Variants in SESTD1 observed in about 807,000 individuals in gnomAD.
SESTD1 encodes the protein SEC14 domain and spectrin repeat-containing protein 1.
A neutral mutation model predicts 101.7 loss-of-function variants in SESTD1; 43 were observed. The observed-to-expected ratio is 0.42, with a 90% CI of 0.33 to 0.55. The LOEUF (loss-of-function observed/expected upper bound fraction) is 0.55, where lower values mean the gene tolerates loss of function less well. SESTD1 is among the 20% of genes least tolerant of loss of function. The probability of loss-of-function intolerance (pLI) is 0.07; values close to 1 mark genes in which losing one functional copy is unlikely to be tolerated. For synonymous variants in SESTD1, 283 were observed against 286.8 expected (o/e 0.99, Z 0.13); for missense variants, 647 against 815.1 (o/e 0.79, Z 2.51).
At chr2:179,174,525 C>A in intron 4 of SESTD1, 1 of 432,380 alleles carries the variant, frequency 2.3e-6, no homozygotes, top group Non-Finnish European at 4.7e-6. Context: ...GATTTCTTAC[C>A]TAATAGTTAT....
At chr2:179,233,820 A>G (rs2047021476) in intron 1 of SESTD1, among the ~76,000 whole-genome samples, 1 of 152,124 alleles carries the variant, frequency 6.6e-6, no homozygotes, top group African/African-American at 2.4e-5. Context: ...GTGTGTGCAC[A>G]TGGCCTGGCA....
intron 1 of SESTD1, among the ~76,000 whole-genome samples, chr2:179,251,845 A>C (rs1240006831): frequency 6.6e-6 from 1 of 152,164 alleles, no homozygotes; most frequent in Non-Finnish European, 1.5e-5. Flanking sequence ...CCAGATACAA[A>C]ATCTGCCGTG....
At chr2:179,248,700 T>C (rs2047268750) in intron 1 of SESTD1, among the ~76,000 whole-genome samples, 1 of 151,874 alleles carries the variant, frequency 6.6e-6, no homozygotes, top group Admixed American at 6.6e-5. Context: ...TAAAGGAGAC[T>C]TCATCAACTT....
chr2:179,222,164 C>T (rs945218783), intron 1 of SESTD1, among the ~76,000 whole-genome samples: 91 of 152,234 alleles, frequency 6.0e-4, no homozygotes, highest in Non-Finnish European at 1.1e-3. Context: ...AAAAGACTTC[C>T]CCCACCAAAG....
chr2:179,185,360 GTAT>G (rs1010697455), intron 2 of SESTD1, among the ~76,000 whole-genome samples: 58 of 145,194 alleles, frequency 4.0e-4, no homozygotes, highest in Non-Finnish European at 7.2e-4. Flanking sequence ...TATTAATATA[GTAT>G]TATAAATTCA....
chr2:179,115,031 C>T (rs763742020), intron 16 of SESTD1, 34 bp downstream of exon 16: 2 of 1,570,704 alleles, frequency 1.3e-6, no homozygotes, highest in Non-Finnish European at 1.7e-6. Flanking sequence ...TAATCAATAC[C>T]ACTGAGAATA....
chr2:179,201,154 C>CA (rs2046505947), intron 1 of SESTD1, among the ~76,000 whole-genome samples: 1 of 134,318 alleles, frequency 7.4e-6, no homozygotes, highest in African/African-American at 3.0e-5. Context: ...TTAATGCAGC[C>CA]AAAAAACACA....
At chr2:179,243,627 G>A (rs1407059038) in intron 1 of SESTD1, among the ~76,000 whole-genome samples, 1 of 152,084 alleles carries the variant, frequency 6.6e-6, no homozygotes, top group Non-Finnish European at 1.5e-5. Flanking sequence ...TGCAGCTAGA[G>A]GACATCATCG....
At chr2:179,229,804 CA>C (rs2046955340) in intron 1 of SESTD1, among the ~76,000 whole-genome samples, 1 of 142,266 alleles carries the variant, frequency 7.0e-6, no homozygotes, top group African/African-American at 2.6e-5. Context: ...CACACACACA[CA>C]CACACACACA....
chr2:179,171,390 G>A (rs62177283), intron 5 of SESTD1, among the ~76,000 whole-genome samples: 8,415 of 152,182 alleles, frequency 0.055, 319 homozygotes, highest in South Asian at 0.14. Context: ...AAATAAAAAT[G>A]AGTGTATAGC....
chr2:179,230,416 A>C (rs1218219459), intron 1 of SESTD1, among the ~76,000 whole-genome samples: 1 of 152,056 alleles, frequency 6.6e-6, no homozygotes, highest in Non-Finnish European at 1.5e-5. Flanking sequence ...CATTACAGAC[A>C]TGAGCCACTG....
intron 12 of SESTD1, among the ~76,000 whole-genome samples, chr2:179,122,664 C>A (rs1559099862): frequency 6.6e-6 from 1 of 152,070 alleles, no homozygotes; most frequent in Non-Finnish European, 1.5e-5. Context: ...CTGAGGTGGG[C>A]AGATCACCAG....
intron 1 of SESTD1, among the ~76,000 whole-genome samples, chr2:179,242,053 T>C (rs1324294132): frequency 6.6e-6 from 1 of 152,152 alleles, no homozygotes; most frequent in African/African-American, 2.4e-5. Flanking sequence ...AATATGATTG[T>C]ATACCTAGAA....
At chr2:179,158,771 G>A (rs554848215) in intron 5 of SESTD1, among the ~76,000 whole-genome samples, 1 of 152,022 alleles carries the variant, frequency 6.6e-6, no homozygotes, top group East Asian at 1.9e-4. Flanking sequence ...TTCACTGGTG[G>A]CTATTAAAAG....
chr2:179,151,497 CATG>C (rs2045529419), intron 5 of SESTD1, 106 bp from the exon 6 acceptor site: 2 of 584,092 alleles, frequency 3.4e-6, no homozygotes, highest in Non-Finnish European at 2.9e-6. Flanking sequence ...TTGTTTCCAA[CATG>C]ATGACACATT....
chr2:179,134,831 A>G (rs1031037728), intron 9 of SESTD1, among the ~76,000 whole-genome samples: 3 of 152,230 alleles, frequency 2.0e-5, no homozygotes, highest in Non-Finnish European at 2.9e-5. Context: ...CTGTTAATAT[A>G]CTTTATAAAA....
At chr2:179,246,447 C>T (rs942509644) in intron 1 of SESTD1, among the ~76,000 whole-genome samples, 1 of 151,994 alleles carries the variant, frequency 6.6e-6, no homozygotes, top group Non-Finnish European at 1.5e-5. Context: ...AAGACAAATG[C>T]ACAGTTATAA....
chr2:179,220,314 T>A (rs1276977074), intron 1 of SESTD1, among the ~76,000 whole-genome samples: 14 of 152,178 alleles, frequency 9.2e-5, no homozygotes. Flanking sequence ...GAAAAAATTT[T>A]AAAAATCTTT....
rs146696137 is a variant in SESTD1, at chr2:179,159,326, C to G, written c.370-7935G>C. Among the ~76,000 whole-genome samples the G allele has an allele frequency of 4.3e-3, 662 of 152,226 alleles. 3 individuals carry two copies. Among genetic ancestry groups the G allele is most frequent in the African/African-American group, 0.015 (615 of 41,530 alleles). On this transcript the variant is annotated intron_variant, in intron 5 of 17. Coordinates refer to ENST00000428443, the MANE Select transcript of SESTD1 (RefSeq NM_178123.5). ...CATATAAATAACAGACAACTGCTTCCCAGAGGACAAACCAAGTTTGAATAA... is the reference window on the plus strand; with the variant it reads ...CATATAAATAACAGACAACTGCTTCGCAGAGGACAAACCAAGTTTGAATAA...
Sources: allele counts gnomAD v4.1 joint callset (sites outside exome capture counted in the v4.1 genomes callset), GRCh38; gene constraint gnomAD v4.1.1; transcripts MANE v1.5; gene names NCBI Gene and HGNC (gene_info 2026-07-23, HGNC 2026-07-21).